The following TMCO4 variants were observed in gnomAD, a reference collection of about 807,000 sequenced individuals.
TMCO4 encodes transmembrane and coiled-coil domains 4.
A neutral mutation model predicts 64.7 loss-of-function variants in TMCO4; 58 were observed. The ratio of observed to expected loss-of-function variants is 0.90; its 90% confidence interval spans 0.73 to 1.12. The LOEUF is 1.12. Among genes scored for constraint, TMCO4 ranks in the 50% most tolerant of loss-of-function variants. TMCO4 has a pLI of 0.00. For missense variants in TMCO4, 780 were observed against 825.9 expected (o/e 0.94, Z 0.68); for synonymous variants, 325 against 346.1 (o/e 0.94, Z 0.68).
chr1:19,758,053 G>C (rs949646244), intron 6 of TMCO4, among the ~76,000 whole-genome samples: 3 of 152,190 alleles, frequency 2.0e-5, no homozygotes, highest in African/African-American at 7.2e-5. Context: ...GCCAAAAATA[G>C]GGTTTCCTGA....
At chr1:19,697,373 TC>T (rs1278448227) in intron 14 of TMCO4, among the ~76,000 whole-genome samples, 1 of 152,104 alleles carries the variant, frequency 6.6e-6, no homozygotes, top group East Asian at 1.9e-4. Flanking sequence ...TTCTCCCACC[TC>T]AGCCTCCCAA....
At chr1:19,785,937 C>G (rs1304723079) in intron 3 of TMCO4, among the ~76,000 whole-genome samples, 1 of 152,140 alleles carries the variant, frequency 6.6e-6, no homozygotes, top group South Asian at 2.1e-4. Flanking sequence ...TTAGAGGAAA[C>G]AGTATGGTGG....
At chr1:19,711,553 A>G (rs773624587) in intron 13 of TMCO4, among the ~76,000 whole-genome samples, 2 of 152,174 alleles carry the variant, frequency 1.3e-5, no homozygotes, top group Non-Finnish European at 2.9e-5. Context: ...CAATGGCGCA[A>G]TCACGGCTCA....
chr1:19,745,691 G>C (rs985011376), intron 9 of TMCO4, 40 bp from the exon 10 acceptor site: 2 of 1,569,176 alleles, frequency 1.3e-6, no homozygotes, highest in Non-Finnish European at 1.7e-6. Flanking sequence ...GAGGTGACTG[G>C]GGCCCCGGGG....
chr1:19,720,664 G>A (rs767548254), intron 13 of TMCO4, among the ~76,000 whole-genome samples: 68 of 152,200 alleles, frequency 4.5e-4, no homozygotes, highest in Non-Finnish European at 7.9e-4. Flanking sequence ...ACGTGTCTAA[G>A]AAAACGAGTT....
chr1:19,691,826 C>T (rs777919740), intron 15 of TMCO4, among the ~76,000 whole-genome samples: 1 of 152,124 alleles, frequency 6.6e-6, no homozygotes, highest in Non-Finnish European at 1.5e-5. Flanking sequence ...TGGGAGGGAC[C>T]CAGTGGGAGA....
At chr1:19,782,083 T>A (rs544059570) in intron 3 of TMCO4, among the ~76,000 whole-genome samples, 2 of 152,358 alleles carry the variant, frequency 1.3e-5, no homozygotes, top group Admixed American at 6.5e-5. Context: ...AAATGAGGAC[T>A]TAAGTCACGA....
chr1:19,793,550 G>T (rs1042047484), intron 2 of TMCO4, among the ~76,000 whole-genome samples: 1 of 152,186 alleles, frequency 6.6e-6, no homozygotes, highest in African/African-American at 2.4e-5. Context: ...ATCTCTATCT[G>T]AAGTCATATT....
At chr1:19,703,507 C>T (rs1288564627) in intron 13 of TMCO4, among the ~76,000 whole-genome samples, 1 of 149,618 alleles carries the variant, frequency 6.7e-6, no homozygotes, top group Non-Finnish European at 1.5e-5. Flanking sequence ...CCTTTCTTTC[C>T]TTTCTCCCTC....
intron 6 of TMCO4, among the ~76,000 whole-genome samples, chr1:19,768,391 G>A (rs1309304573): frequency 6.6e-6 from 1 of 152,172 alleles, no homozygotes; most frequent in African/African-American, 2.4e-5. Context: ...AGGAGGATCA[G>A]ATACTATTAT....
At chr1:19,759,826 A>G (rs2042419816) in intron 6 of TMCO4, among the ~76,000 whole-genome samples, 1 of 152,216 alleles carries the variant, frequency 6.6e-6, no homozygotes, top group Admixed American at 6.5e-5. Context: ...CTGTCCCACA[A>G]GGGCAGCGAC....
chr1:19,746,786 T>C (rs1570875456), intron 8 of TMCO4, among the ~76,000 whole-genome samples, 187 bp from the exon 9 acceptor site: 1 of 151,928 alleles, frequency 6.6e-6, no homozygotes, highest in Admixed American at 6.5e-5. Flanking sequence ...TAGCCGGGCA[T>C]GGTGGCAGGC....
intron 6 of TMCO4, among the ~76,000 whole-genome samples, chr1:19,770,321 C>A (rs1264656738): frequency 6.6e-6 from 1 of 152,140 alleles, no homozygotes; most frequent in African/African-American, 2.4e-5. Context: ...AAACCATAGG[C>A]CTATTGTGAG....
At chr1:19,686,783 G>A (rs6666576) in intron 15 of TMCO4, among the ~76,000 whole-genome samples, 3,696 of 152,188 alleles carry the variant, frequency 0.024, 148 homozygotes, top group African/African-American at 0.084. Context: ...CAGTAACTGG[G>A]CCAGTCCTCA....
At chr1:19,773,482 G>A (rs185609080) in intron 4 of TMCO4, among the ~76,000 whole-genome samples, 34 of 152,298 alleles carry the variant, frequency 2.2e-4, no homozygotes, top group African/African-American at 7.0e-4. Flanking sequence ...GCCAGTTACC[G>A]GATGCAGGTG....
At chr1:19,771,620 G>T in intron 4 of TMCO4, 138 bp from the exon 5 acceptor site, 1 of 823,728 alleles carries the variant, frequency 1.2e-6, no homozygotes, top group East Asian at 2.8e-5. Flanking sequence ...AAATACAGAG[G>T]CAGTCAAAGA....
chr1:19,785,857 T>C (rs1198397997), intron 3 of TMCO4, among the ~76,000 whole-genome samples: 1 of 152,150 alleles, frequency 6.6e-6, no homozygotes, highest in Non-Finnish European at 1.5e-5. Flanking sequence ...GGCTGGCTAC[T>C]GTATGTGGAT....
intron 7 of TMCO4, among the ~76,000 whole-genome samples, chr1:19,752,253 C>G (rs759138580): frequency 6.6e-6 from 1 of 152,086 alleles, no homozygotes; most frequent in Non-Finnish European, 1.5e-5. Flanking sequence ...ACACTAAATC[C>G]GAATGACAGC....
rs1037947340 is a variant in TMCO4, at chr1:19,734,011, T to A, written c.1264+3361A>T. Among the ~76,000 whole-genome samples the A allele has an allele frequency of 2.0e-5, 3 of 152,348 alleles. No homozygotes were observed. Among genetic ancestry groups the A allele is most frequent in the South Asian group, 4.1e-4 (2 of 4,826 alleles). ...TGAGCTTAGAATTGTGTCTGGTGCA[T>A]GAAAACGCAGTGTATTCCATAAGTG... is the stretch of plus-strand genomic sequence containing the variant. On this transcript the variant is annotated intron_variant, in intron 13 of 15. Transcript: ENST00000294543. This position sits in a 1 kb window ranked among gnomAD's most constrained non-coding sequence, Gnocchi z 4.4.
Sources: allele counts gnomAD v4.1 joint callset (sites outside exome capture counted in the v4.1 genomes callset), GRCh38; gene constraint gnomAD v4.1.1; non-coding constraint Gnocchi (gnomAD v3.1); transcripts MANE v1.5; gene names NCBI Gene and HGNC (gene_info 2026-07-23, HGNC 2026-07-21).